Variants in CDC42BPA observed in about 807,000 individuals in gnomAD.
CDC42BPA encodes the protein CDC42 binding protein kinase alpha, also known as serine/threonine-protein kinase MRCK alpha.
CDC42BPA carries 80 observed loss-of-function variants against 223.5 expected under a neutral mutation model. That is an observed-to-expected ratio of 0.36 (90% CI 0.30 to 0.43). CDC42BPA has a LOEUF of 0.43. Among genes scored for constraint, CDC42BPA ranks in the 20% least tolerant of loss-of-function variants. The pLI is 1.00. For synonymous variants in CDC42BPA, 694 were observed against 718.6 expected (o/e 0.97, Z 0.55); for missense variants, 1,743 against 2,099.9 (o/e 0.83, Z 3.32).
intron 4 of CDC42BPA, among the ~76,000 whole-genome samples, chr1:227,194,617 C>A (rs746086210): frequency 6.6e-6 from 1 of 152,144 alleles, no homozygotes; most frequent in Non-Finnish European, 1.5e-5. Context: ...GTACATCAAA[C>A]TGTTCACTGA....
intron 5 of CDC42BPA, among the ~76,000 whole-genome samples, chr1:227,184,521 G>C (rs1014449210): frequency 6.6e-6 from 1 of 152,182 alleles, no homozygotes; most frequent in East Asian, 1.9e-4. Flanking sequence ...CCAATGATCT[G>C]TGTGTTTATT....
chr1:226,996,250 C>T (rs1431522807), intron 35 of CDC42BPA, among the ~76,000 whole-genome samples: 1 of 152,222 alleles, frequency 6.6e-6, no homozygotes, highest in Non-Finnish European at 1.5e-5. Flanking sequence ...CCAGCCCTAT[C>T]CCAGAACAAT....
intron 10 of CDC42BPA, among the ~76,000 whole-genome samples, chr1:227,134,803 A>G (rs1317435790): frequency 6.6e-6 from 1 of 152,236 alleles, no homozygotes; most frequent in Non-Finnish European, 1.5e-5. Context: ...ATGTAAAAAT[A>G]CCAAGAACAA....
chr1:227,040,276 A>G lies in CDC42BPA; in HGVS notation c.3094-40T>C, dbSNP rs185226754. The G allele has an allele frequency of 9.5e-4, 1,239 of 1,298,526 alleles. 6 individuals are homozygous for G. In the African/African-American group the frequency reaches 0.016, roughly 17 times the overall value. The allele number at this position is 1,298,526 out of a possible 1,614,324, so 80.4% of individuals were successfully genotyped here. On this transcript the variant is annotated intron_variant, in intron 23 of 36. Coordinates refer to ENST00000366766, the MANE Select transcript of CDC42BPA (RefSeq NM_001394014.1). ...GATAAAAAAACACACAGATTGTTTA[A>G]AAGATTTCCATAATGTGAGTCCTTA... is the stretch of plus-strand genomic sequence containing the variant.
intron 15 of CDC42BPA, among the ~76,000 whole-genome samples, chr1:227,095,233 G>A (rs1484081680): frequency 6.6e-6 from 1 of 152,154 alleles, no homozygotes; most frequent in African/African-American, 2.4e-5. Flanking sequence ...TTGGAAATCT[G>A]AGGAAAACAT....
intron 23 of CDC42BPA, among the ~76,000 whole-genome samples, chr1:227,042,302 A>ATATATATG (rs1671537152): frequency 2.3e-5 from 1 of 43,256 alleles, no homozygotes; most frequent in Admixed American, 3.3e-4. Context: ...TATATGATAT[A>ATATATATG]TATATATATA....
At chr1:226,995,877 C>T (rs1021212756) in intron 35 of CDC42BPA, among the ~76,000 whole-genome samples, 3 of 152,174 alleles carry the variant, frequency 2.0e-5, no homozygotes, top group African/African-American at 7.2e-5. Flanking sequence ...GAGGTTTTAG[C>T]ACAACTCTAA....
chr1:227,295,301 T>G (rs113739207), intron 1 of CDC42BPA, among the ~76,000 whole-genome samples: 1 of 152,050 alleles, frequency 6.6e-6, no homozygotes, highest in African/African-American at 2.4e-5. Context: ...ACTGGGACTA[T>G]AGACGCACAC....
At chr1:227,128,474 C>T (rs1656315819) in intron 11 of CDC42BPA, among the ~76,000 whole-genome samples, 1 of 151,908 alleles carries the variant, frequency 6.6e-6, no homozygotes, top group Non-Finnish European at 1.5e-5. Flanking sequence ...TGTCCTTTAC[C>T]CAGGCCAAAG....
intron 3 of CDC42BPA, among the ~76,000 whole-genome samples, chr1:227,205,281 A>T (rs1440093105): frequency 6.9e-4 from 45 of 64,914 alleles, no homozygotes; most frequent in East Asian, 2.8e-3. Context: ...AAAAAAAAAA[A>T]AAATATATAT....
chr1:227,027,153 T>C (rs757345784), intron 30 of CDC42BPA, among the ~76,000 whole-genome samples: 9 of 152,064 alleles, frequency 5.9e-5, no homozygotes, highest in Non-Finnish European at 1.0e-4. Context: ...AGATCTGCAG[T>C]TGAAAAGCTG....
rs1400085701 is a variant in CDC42BPA at position 227,026,059 on chromosome 1, T to C, written c.4526A>G (p.Lys1509Arg). Residue 1509 changes from lysine (K) to arginine (R), a missense_variant, in exon 31 of 37, where the codon AAA (lysine) becomes AGA (arginine). This residue lies in a region of CDC42BPA where 678 missense variants were observed against 777.5 expected (regional missense o/e 0.87). Transcript: ENST00000366766. ...SMEWIQTLPL[K>R]KVRPLNNEGS... is the part of the protein sequence containing the mutation. Reference sequence around the variant, plus strand: ...CACATTTTAATGTTAAATTACCTTTTTGAGAGGAAGAGTCTGAATCCATTC... The same window carrying C: ...CACATTTTAATGTTAAATTACCTTTCTGAGAGGAAGAGTCTGAATCCATTC... 4.5e-6 allele frequency: 7 copies of C among 1,565,270 alleles called. No individual in the cohort carries two copies. Among genetic ancestry groups the C allele is most frequent in the Non-Finnish European group, 5.3e-6 (6 of 1,139,810 alleles).
At chr1:227,110,564 C>T (rs565923278) in intron 14 of CDC42BPA, among the ~76,000 whole-genome samples, 1 of 152,298 alleles carries the variant, frequency 6.6e-6, no homozygotes, top group East Asian at 1.9e-4. Flanking sequence ...AAATATTTAA[C>T]TCTTCTGACC....
At chr1:227,013,404 TC>T (rs199751667) in intron 34 of CDC42BPA, among the ~76,000 whole-genome samples, 4,189 of 150,900 alleles carry the variant, frequency 0.028, 81 homozygotes, top group Non-Finnish European at 0.038. Context: ...TCTTTTTTTT[TC>T]TTAAAGTGGT....
Position 227,072,325 on chromosome 1 carries a change from A to T in CDC42BPA, c.2736-26T>A, listed in dbSNP as rs1678560652. 6.6e-6 allele frequency: 9 copies of T among 1,369,668 alleles called. No homozygotes were observed. In the East Asian group the frequency reaches 1.4e-4, roughly 21 times the overall value. 84.8% of individuals were successfully genotyped at this position (1,369,668 alleles called of 1,614,324 possible). ...CTTAAATAAGGAGAAAAAAGGAAAA[A>T]TGTCATTAATTTTTATTGCTGGTTA... On this transcript the variant is annotated intron_variant, in intron 19 of 36. Coordinates refer to ENST00000366766, the MANE Select transcript of CDC42BPA (RefSeq NM_001394014.1).
chr1:227,221,061 A>C (rs1454482077), intron 2 of CDC42BPA, among the ~76,000 whole-genome samples: 1 of 152,020 alleles, frequency 6.6e-6, no homozygotes, highest in Non-Finnish European at 1.5e-5. Flanking sequence ...TTTCTATTTC[A>C]CTCTACTAGA....
At chr1:227,066,360 A>G (rs1677064280) in intron 21 of CDC42BPA, among the ~76,000 whole-genome samples, 1 of 151,456 alleles carries the variant, frequency 6.6e-6, no homozygotes, top group African/African-American at 2.4e-5. Context: ...ACCGCACTCC[A>G]GCCTGGTGAC....
intron 21 of CDC42BPA, among the ~76,000 whole-genome samples, chr1:227,065,392 G>T (rs567406261): frequency 6.6e-6 from 1 of 152,320 alleles, no homozygotes; most frequent in African/African-American, 2.4e-5. Context: ...GAGAAGCAGA[G>T]AGTGTTGAGA....
intron 1 of CDC42BPA, among the ~76,000 whole-genome samples, chr1:227,314,632 A>C (rs752030010): frequency 1.6e-4 from 24 of 152,166 alleles, no homozygotes; most frequent in Non-Finnish European, 3.2e-4. Context: ...CTTTAAGAGT[A>C]ATCTATCATC....
Sources: allele counts gnomAD v4.1 joint callset (sites outside exome capture counted in the v4.1 genomes callset), GRCh38; gene constraint gnomAD v4.1.1; regional missense constraint gnomAD v4.1.1; transcripts MANE v1.5; gene names NCBI Gene and HGNC (gene_info 2026-07-23, HGNC 2026-07-21).